Variants in SMCO2 observed in about 807,000 individuals in gnomAD.
SMCO2 encodes the protein single-pass membrane protein with coiled-coil domains 2, also known as single-pass membrane and coiled-coil domain-containing protein 2.
SMCO2 carries 25 observed loss-of-function variants against 29.5 expected under a neutral mutation model. The observed-to-expected ratio is 0.85, with a 90% CI of 0.62 to 1.18. SMCO2 has a LOEUF of 1.18. SMCO2 is among the 50% of genes most tolerant of loss of function. The pLI is 0.00. For synonymous variants in SMCO2, 117 were observed against 123.3 expected, an observed-to-expected ratio of 0.95 and a Z score of 0.34; for missense variants, 348 against 344.5, an observed-to-expected ratio of 1.01 and a Z score of -0.08.
intron 6 of SMCO2, among the ~76,000 whole-genome samples, chr12:27,495,125 C>G (rs1437440040): frequency 2.6e-5 from 4 of 152,154 alleles, no homozygotes; most frequent in Non-Finnish European, 5.9e-5. Context: ...CTGTCAGCTG[C>G]TCTGAGTCCA....
At chr12:27,447,978 G>A in the SMCO2 span, among the ~76,000 whole-genome samples, 2 of 152,188 alleles carry the variant, frequency 1.3e-5, no homozygotes, top group Non-Finnish European at 2.9e-5. Context: ...CCAGAGCCAA[G>A]TGGCCTGCAA....
chr12:27,428,811 A>G, the SMCO2 span, among the ~76,000 whole-genome samples: 8 of 125,030 alleles, frequency 6.4e-5, no homozygotes, highest in African/African-American at 2.4e-4. Flanking sequence ...TACATGAAAT[A>G]AATGTACTTT....
chr12:27,471,132 A>G (rs1949537690), intron 2 of SMCO2, among the ~76,000 whole-genome samples: 1 of 152,168 alleles, frequency 6.6e-6, no homozygotes, highest in Admixed American at 6.6e-5. Context: ...TACATTTGCT[A>G]GTACGTGTTT....
chr12:27,489,061 T>C (rs760729627), intron 5 of SMCO2, among the ~76,000 whole-genome samples: 2 of 152,156 alleles, frequency 1.3e-5, no homozygotes, highest in Non-Finnish European at 2.9e-5. Flanking sequence ...CTTTCCTTTT[T>C]TTTTTGAGAC....
chr12:27,432,481 G>T, the SMCO2 span, among the ~76,000 whole-genome samples: 1 of 152,146 alleles, frequency 6.6e-6, no homozygotes, highest in South Asian at 2.1e-4. Context: ...GTTCAGCATT[G>T]TAAATATGAG....
intron 7 of SMCO2, among the ~76,000 whole-genome samples, chr12:27,500,634 T>G (rs966042037): frequency 4.0e-5 from 6 of 150,880 alleles, no homozygotes; most frequent in Non-Finnish European, 8.8e-5. Flanking sequence ...TAGATAGTTT[T>G]CGTAGTGAGT....
At chr12:27,479,027 G>C (rs535866608) in intron 4 of SMCO2, among the ~76,000 whole-genome samples, 1 of 152,332 alleles carries the variant, frequency 6.6e-6, no homozygotes, top group African/African-American at 2.4e-5. Flanking sequence ...GGCAGCAGTA[G>C]GGGTGGGTTG....
At chr12:27,448,607 G>A in the SMCO2 span, among the ~76,000 whole-genome samples, 1 of 151,954 alleles carries the variant, frequency 6.6e-6, no homozygotes, top group Admixed American at 6.6e-5. Context: ...GGGACCCTTG[G>A]GATTAAATTT....
the SMCO2 span, among the ~76,000 whole-genome samples, chr12:27,449,274 G>T: frequency 6.6e-6 from 1 of 152,292 alleles, no homozygotes. Context: ...CGAAATACTT[G>T]CTCTGATCTT....
intron 5 of SMCO2, among the ~76,000 whole-genome samples, chr12:27,491,406 A>T (rs1949734119): frequency 6.6e-6 from 1 of 152,200 alleles, no homozygotes; most frequent in South Asian, 2.1e-4. Context: ...ACCTTGTCCC[A>T]GTTATCTTTG....
chr12:27,475,607 C>A (rs1467977494), intron 4 of SMCO2: 1 of 1,548,204 alleles, frequency 6.5e-7, no homozygotes, highest in Non-Finnish European at 8.7e-7. Context: ...GTTCCTCAAG[C>A]TAAACTACTG....
chr12:27,468,115 G>T (rs541681003), intron 1 of SMCO2, among the ~76,000 whole-genome samples: 1 of 152,236 alleles, frequency 6.6e-6, no homozygotes, highest in East Asian at 1.9e-4. Context: ...AGAGGAAAAA[G>T]TGAGGCCCCC....
chr12:27,488,238 G>A (rs1003940248), intron 4 of SMCO2, among the ~76,000 whole-genome samples: 2 of 151,754 alleles, frequency 1.3e-5, no homozygotes, highest in Non-Finnish European at 2.9e-5. Flanking sequence ...TTAATTTTCA[G>A]CTCCTGTGTC....
At chr12:27,465,564 C>G (rs1949492457), upstream of SMCO2, among the ~76,000 whole-genome samples, 1 of 152,184 alleles carries the variant, frequency 6.6e-6, no homozygotes, top group Non-Finnish European at 1.5e-5. Context: ...AAGAAATGCT[C>G]AGGGTGATAA....
In SMCO2 at chr12:27,494,076, A is replaced by G. The variant is rs562966213; in HGVS notation, c.451-224A>G. On this transcript the variant is annotated intron_variant, in intron 5 of 7. Coordinates refer to ENST00000298876, the Ensembl canonical transcript of SMCO2. ...TGCTATTGTGTAAATGCATACCTCTAAAGTATTGAAAATAATCTTGTTATG... is the reference window on the plus strand; with the variant it reads ...TGCTATTGTGTAAATGCATACCTCTGAAGTATTGAAAATAATCTTGTTATG... The G allele has an allele frequency of 1.3e-4, 40 of 318,512 alleles. 1 individual carries two copies. The South Asian group carries it at 2.7e-3, about 22-fold the overall frequency. 19.7% of individuals were successfully genotyped at this position (318,512 alleles called of 1,614,324 possible). A position where few individuals can be genotyped will look rare whatever the true frequency, so the allele number is the denominator to read the frequency against.
chr12:27,501,394 C>T (rs1943073577), intron 7 of SMCO2, among the ~76,000 whole-genome samples: 1 of 109,542 alleles, frequency 9.1e-6, no homozygotes, highest in South Asian at 3.3e-4. Context: ...CCAGCTTGGG[C>T]GAAAGAGTGA....
intron 4 of SMCO2, among the ~76,000 whole-genome samples, chr12:27,482,522 AACTCCTGACCTCAGGTGATCCGCCC>A (rs1344634300): frequency 6.6e-6 from 1 of 152,128 alleles, no homozygotes; most frequent in Non-Finnish European, 1.5e-5. Flanking sequence ...GCTGGTCTTG[AACTCCTGACCTCAGGTGATCCGCCC>A]ACATTGGCCT....
intron 3 of SMCO2, 103 bp downstream of exon 3, chr12:27,472,978 G>T (rs1158239305): frequency 1.2e-6 from 1 of 850,996 alleles, no homozygotes; most frequent in South Asian, 1.7e-5. Flanking sequence ...AATATCTGAG[G>T]GTTTTCTTCT....
chr12:27,470,778 T>G lies in SMCO2; in HGVS notation c.134+13T>G. 1 of 1,549,050 alleles carries G rather than the reference T, an allele frequency of 6.5e-7. No individual in the cohort carries two copies. The highest frequency in any genetic ancestry group is 1.2e-5 in the South Asian group (1 of 83,920). ...GTGCAATGCAGGAGTAAGTCAGAAC[T>G]GAGCTTGCAGAAGCAGTTTCTAGGG... is the stretch of plus-strand genomic sequence containing the variant. On this transcript the variant is annotated intron_variant, in intron 2 of 7. Coordinates refer to ENST00000298876, the Ensembl canonical transcript of SMCO2.
Sources: gnomAD v4.1 joint callset for allele counts (sites outside exome capture counted in the v4.1 genomes callset) on GRCh38, gnomAD v4.1.1 for gene constraint, MANE v1.5 for transcripts, NCBI Gene and HGNC (gene_info 2026-07-23, HGNC 2026-07-21) for gene names.